NBEA: variants seen among roughly 807,000 people sequenced by gnomAD.
The protein encoded by NBEA is lysosomal-trafficking regulator 2.
Under a neutral mutation model 343.4 loss-of-function variants are expected in NBEA, and 44 were observed. The observed-to-expected ratio is 0.13, with a 90% CI of 0.10 to 0.16. The LOEUF (loss-of-function observed/expected upper bound fraction) is 0.16. Ranked by LOEUF, NBEA falls within the 10% of genes least tolerant of loss-of-function variation. NBEA has a pLI of 1.00. For synonymous variants in NBEA, 1,175 were observed against 1,238.7 expected, an observed-to-expected ratio of 0.95 and a Z score of 1.08; for missense variants, 2,555 against 3,631.3, an observed-to-expected ratio of 0.70 and a Z score of 7.62.
chr13:35,254,975 A>C (rs1318346213), intron 34 of NBEA, among the ~76,000 whole-genome samples: 3 of 152,146 alleles, frequency 2.0e-5, no homozygotes, highest in African/African-American at 7.2e-5. Flanking sequence ...TTTAATGGGA[A>C]TAATACAATA....
At chr13:35,010,953 A>G (rs1010826604) in intron 1 of NBEA, among the ~76,000 whole-genome samples, 1 of 151,286 alleles carries the variant, frequency 6.6e-6, no homozygotes, top group African/African-American at 2.4e-5. Context: ...AGTGGAGCCA[A>G]TGATTTTTTT....
At chr13:35,520,508 A>T (rs1337266844) in intron 41 of NBEA, among the ~76,000 whole-genome samples, 4 of 152,150 alleles carry the variant, frequency 2.6e-5, no homozygotes, top group Non-Finnish European at 5.9e-5. Flanking sequence ...GAGAAGGAAG[A>T]TGTGCCAGTG....
At chr13:35,232,677 C>T (rs1324434071) in intron 34 of NBEA, 58 bp downstream of exon 34, 3 of 1,237,186 alleles carry the variant, frequency 2.4e-6, no homozygotes, top group African/African-American at 3.2e-5. Flanking sequence ...TTAATCATGG[C>T]ATAATTTGTG....
intron 40 of NBEA, among the ~76,000 whole-genome samples, chr13:35,463,072 G>A (rs1027681884): frequency 2.0e-5 from 3 of 152,178 alleles, no homozygotes; most frequent in Non-Finnish European, 4.4e-5. Flanking sequence ...AGAAAATAAA[G>A]AGAGAAGTAG....
At chr13:35,557,444 G>C (rs2079627264) in intron 44 of NBEA, among the ~76,000 whole-genome samples, 1 of 152,140 alleles carries the variant, frequency 6.6e-6, no homozygotes, top group African/African-American at 2.4e-5. Context: ...AGCCTAATAT[G>C]CTTTTTTCTA....
Position 35,629,852 on chromosome 13 carries a change from G to GA in NBEA, c.7617+1611dup, listed in dbSNP as rs144967359. Among the ~76,000 whole-genome samples, 1,508 of 152,028 alleles carry GA rather than the reference G, an allele frequency of 9.9e-3. 21 individuals carry two copies. The highest frequency in any genetic ancestry group is 0.034 in the African/African-American group (1,426 of 41,490). On this transcript the variant is annotated intron_variant, in intron 49 of 58. Coordinates refer to ENST00000379939, the MANE Select transcript of NBEA (RefSeq NM_001385012.1). The stretch of plus-strand genomic sequence containing the variant: ...TTAAGGCTAATACCTTTTAGAATCA[G>GA]AAAAAAAGAAAACAGTTGTAATAGT...
chr13:35,058,760 C>T lies in NBEA; in HGVS notation c.1136C>T (p.Ala379Val), dbSNP rs1245311978. The part of the protein sequence containing the change: ...CFLGSSETAD[A>V]NRVFCGQLGA... Reference sequence around the variant, plus strand: ...CTTGGATCATCAGAAACTGCTGATGCAAATAGGGTATTCTGTGGTCAACTT... The same window carrying T: ...CTTGGATCATCAGAAACTGCTGATGTAAATAGGGTATTCTGTGGTCAACTT... The change falls in exon 8 of 59, where the codon GCA becomes GTA. Residue 379 changes from alanine (A) to valine (V), a missense_variant. Transcript: ENST00000379939. The T allele has an allele frequency of 6.3e-7, 1 of 1,594,634 alleles. No individual in the cohort carries two copies. Among genetic ancestry groups the T allele is most frequent in the East Asian group, 2.3e-5 (1 of 43,928 alleles).
intron 34 of NBEA, among the ~76,000 whole-genome samples, chr13:35,243,344 G>A (rs902482056): frequency 1.2e-4 from 18 of 151,716 alleles, no homozygotes; most frequent in Non-Finnish European, 2.1e-4. Flanking sequence ...AGGGAAGTAC[G>A]GGAAGAAATA....
chr13:35,617,234 A>G (rs996095253), intron 48 of NBEA, among the ~76,000 whole-genome samples: 6 of 152,262 alleles, frequency 3.9e-5, no homozygotes, highest in African/African-American at 1.4e-4. Context: ...TTATTTCATC[A>G]TAGGAATTAA....
intron 44 of NBEA, among the ~76,000 whole-genome samples, chr13:35,558,407 A>G (rs1321537621): frequency 1.3e-5 from 2 of 152,190 alleles, no homozygotes; most frequent in Non-Finnish European, 2.9e-5. Context: ...TGACATTTAA[A>G]TTGGGAATTG....
At chr13:35,357,657 C>T (rs1479575473) in intron 38 of NBEA, among the ~76,000 whole-genome samples, 3 of 152,096 alleles carry the variant, frequency 2.0e-5, no homozygotes, top group Admixed American at 6.6e-5. Flanking sequence ...GCATAGTATT[C>T]CATCATGTAT....
chr13:35,309,286 A>G (rs2037200117), intron 35 of NBEA, among the ~76,000 whole-genome samples: 1 of 152,070 alleles, frequency 6.6e-6, no homozygotes, highest in African/African-American at 2.4e-5. Context: ...CTGCAGTCTC[A>G]CTTTCCATCT....
chr13:35,662,289 ACGGTGAGTGC>A (rs1197661600), intron 55 of NBEA, among the ~76,000 whole-genome samples: 13 of 152,238 alleles, frequency 8.5e-5, no homozygotes, highest in South Asian at 4.1e-4. Flanking sequence ...ATTCCAGCAC[ACGGTGAGTGC>A]TTCTGTGGAG....
intron 48 of NBEA, among the ~76,000 whole-genome samples, chr13:35,625,391 C>T (rs1411075727): frequency 2.6e-5 from 4 of 152,158 alleles, no homozygotes; most frequent in East Asian, 1.9e-4. Context: ...CCGAGGCAGG[C>T]GGATCACGTG....
At chr13:35,101,502 T>G (rs551420070) in intron 11 of NBEA, among the ~76,000 whole-genome samples, 1 of 152,018 alleles carries the variant, frequency 6.6e-6, no homozygotes, top group Admixed American at 6.6e-5. Flanking sequence ...TTGATATATA[T>G]TCTTTGAAGA....
At chr13:35,634,603 G>T (rs373385850) in intron 49 of NBEA, among the ~76,000 whole-genome samples, 1 of 152,112 alleles carries the variant, frequency 6.6e-6, no homozygotes, top group African/African-American at 2.4e-5. Context: ...ACGGTGAGAG[G>T]TATGCACATA....
At chr13:35,138,427 AACATTAGTT>A (rs2067866454) in intron 17 of NBEA, among the ~76,000 whole-genome samples, 1 of 152,054 alleles carries the variant, frequency 6.6e-6, no homozygotes, top group South Asian at 2.1e-4. Flanking sequence ...ATAAATGGCT[AACATTAGTT>A]AATGGATAAA....
At chr13:35,249,301 GAC>G (rs780221923) in intron 34 of NBEA, among the ~76,000 whole-genome samples, 3 of 151,910 alleles carry the variant, frequency 2.0e-5, no homozygotes, top group Non-Finnish European at 2.9e-5. Flanking sequence ...TGCATCAAAA[GAC>G]ACAATCAACA....
chr13:35,064,696 CA>C (rs2063586528), intron 8 of NBEA, among the ~76,000 whole-genome samples: 1 of 151,642 alleles, frequency 6.6e-6, no homozygotes, highest in East Asian at 2.0e-4. Context: ...TAAGTGAGGT[CA>C]TTTGGTTATT....
Sources: gnomAD v4.1 joint callset for allele counts (sites outside exome capture counted in the v4.1 genomes callset) on GRCh38, gnomAD v4.1.1 for gene constraint, MANE v1.5 for transcripts, NCBI Gene and HGNC (gene_info 2026-07-23, HGNC 2026-07-21) for gene names.